CREB5: variants seen among roughly 807,000 people sequenced by gnomAD.
CREB5 encodes the protein cAMP responsive element binding protein 5.
In CREB5, 19 loss-of-function variants were observed where a neutral mutation model predicts 57.1. That is an observed-to-expected ratio of 0.33 (90% CI 0.23 to 0.49). The LOEUF is 0.49. CREB5 is among the 20% of genes least tolerant of loss of function. The pLI is 0.99. For synonymous variants in CREB5, 238 were observed against 238.3 expected (o/e 1.00, Z 0.01); for missense variants, 579 against 671.6 (o/e 0.86, Z 1.52).
At chr7:28,314,230 A>G (rs1210602731) in intron 1 of CREB5, among the ~76,000 whole-genome samples, 1 of 152,228 alleles carries the variant, frequency 6.6e-6, no homozygotes, top group African/African-American at 2.4e-5. Context: ...AGCTTAATTA[A>G]TGATTAAAAG....
intron 4 of CREB5, among the ~76,000 whole-genome samples, chr7:28,559,693 G>A (rs1795006385): frequency 6.6e-6 from 1 of 152,214 alleles, no homozygotes; most frequent in African/African-American, 2.4e-5. Context: ...TTGTCTATCA[G>A]TTGCTGTTTA....
intron 5 of CREB5, among the ~76,000 whole-genome samples, chr7:28,614,639 G>A (rs73684207): frequency 6.6e-6 from 1 of 152,038 alleles, no homozygotes; most frequent in African/African-American, 2.4e-5. Flanking sequence ...CCAGCTTTTT[G>A]ATTTAATTTA....
intron 5 of CREB5, among the ~76,000 whole-genome samples, chr7:28,580,558 G>GGTGTGTGTGTGTGT (rs371277784): frequency 2.1e-3 from 265 of 124,912 alleles, no homozygotes; most frequent in South Asian, 4.3e-3. Flanking sequence ...TTGGCAAATT[G>GGTGTGTGTGTGTGT]GTGTGTGTGT....
upstream of CREB5, chr7:28,409,965 T>C: frequency 2.2e-6 from 1 of 453,486 alleles, no homozygotes; most frequent in Non-Finnish European, 4.4e-6. The surrounding 1 kb of genome is among the most constrained non-coding windows in gnomAD (Gnocchi z 4.4). Context: ...GCCAGGAACC[T>C]CCCCCCGCGT....
At position 28,721,108 on chromosome 7, in the gene CREB5, T is replaced by G. The variant is rs374914405; in HGVS notation, c.591+2229T>G. On this transcript the variant is annotated intron_variant, in intron 6 of 10. Coordinates refer to ENST00000357727, the MANE Select transcript of CREB5 (RefSeq NM_182898.4). Reference sequence around the variant, plus strand: ...GCTGCCATGGCAATAGGCGTCAGTTTAGAGCAGCGATGCTCACCTGGGGGT... The same window carrying G: ...GCTGCCATGGCAATAGGCGTCAGTTGAGAGCAGCGATGCTCACCTGGGGGT... 6.6e-5 allele frequency among the ~76,000 whole-genome samples: 10 copies of G among 152,308 alleles called. No homozygotes were observed. The South Asian group carries it at 2.1e-3, about 32-fold the overall frequency.
At chr7:28,637,454 T>G (rs143817411) in intron 5 of CREB5, among the ~76,000 whole-genome samples, 157 of 152,276 alleles carry the variant, frequency 1.0e-3, no homozygotes, top group African/African-American at 3.6e-3. Context: ...TTCTAAAATA[T>G]GGACTTACAC....
At chr7:28,647,656 GA>G (rs1798939294) in intron 5 of CREB5, among the ~76,000 whole-genome samples, 1 of 152,158 alleles carries the variant, frequency 6.6e-6, no homozygotes, top group South Asian at 2.1e-4. Flanking sequence ...AATAAATCAA[GA>G]TTGACAGACA....
intron 7 of CREB5, among the ~76,000 whole-genome samples, chr7:28,796,104 G>A (rs550265850): frequency 2.0e-5 from 3 of 152,072 alleles, no homozygotes; most frequent in Non-Finnish European, 2.9e-5. Context: ...TACATTCGAC[G>A]TGTTGTGCAA....
chr7:28,310,639 C>T (rs151032303), intron 1 of CREB5, among the ~76,000 whole-genome samples: 106 of 152,296 alleles, frequency 7.0e-4, no homozygotes, highest in Middle Eastern at 6.8e-3. Context: ...TTTTAAATTA[C>T]GCAATTTCAA....
chr7:28,340,831 C>T lies in CREB5; in HGVS notation c.-25+41390C>T, dbSNP rs184358012. Among the ~76,000 whole-genome samples, 539 of 152,266 alleles carry T rather than the reference C, an allele frequency of 3.5e-3. 6 individuals carry two copies. The highest frequency in any genetic ancestry group is 0.012 in the African/African-American group (509 of 41,564). ...TTCTGACCACTGGGATGGGTGATTC[C>T]CCTCTGGCTAGGGTTTGTCTAAATG... On this transcript the variant is annotated intron_variant, in intron 1 of 9. Coordinates refer to the CREB5 transcript ENST00000396299.
rs1795554845 is a variant in CREB5 at position 28,568,134 on chromosome 7, G to A, written c.292-2231G>A. ...TGGACGGAAAGATTGGAAGAGATGAGGGACACTTAGTTAAATTTGTAGGAC... is the reference window on the plus strand; with the variant it reads ...TGGACGGAAAGATTGGAAGAGATGAAGGACACTTAGTTAAATTTGTAGGAC... On this transcript the variant is annotated intron_variant, in intron 4 of 10. Transcript: ENST00000357727. Among the ~76,000 whole-genome samples the A allele has an allele frequency of 4.6e-5, 7 of 152,250 alleles. No individual in the cohort carries two copies. In the South Asian group the frequency reaches 1.2e-3, roughly 27 times the overall value.
chr7:28,724,381 T>A, intron 7 of CREB5, 49 bp downstream of exon 7: 1 of 1,522,578 alleles, frequency 6.6e-7, no homozygotes, highest in African/African-American at 1.4e-5. Context: ...ACTTTTTCTT[T>A]TGAATTTTAC....
chr7:28,383,889 C>T (rs1025078365), intron 1 of CREB5, among the ~76,000 whole-genome samples: 1 of 152,164 alleles, frequency 6.6e-6, no homozygotes, highest in Non-Finnish European at 1.5e-5. Flanking sequence ...GTGTCAAGTA[C>T]ACCTACAAAT....
intron 1 of CREB5, among the ~76,000 whole-genome samples, chr7:28,362,462 T>C (rs1786506168): frequency 6.6e-6 from 1 of 152,218 alleles, no homozygotes; most frequent in South Asian, 2.1e-4. Context: ...GCAAAATAGA[T>C]TGTGCATATG....
intron 1 of CREB5, among the ~76,000 whole-genome samples, chr7:28,326,725 G>A (rs1785614736): frequency 6.6e-6 from 1 of 152,150 alleles, no homozygotes; most frequent in Admixed American, 6.5e-5. Flanking sequence ...ACATAAATAG[G>A]TTGAGGTTGC....
chr7:28,726,616 C>T (rs1445369758), intron 7 of CREB5: 2 of 152,046 alleles, frequency 1.3e-5, no homozygotes, highest in East Asian at 1.9e-4. Context: ...GCCTAATTTT[C>T]TTCCTGTGTA....
intron 1 of CREB5, among the ~76,000 whole-genome samples, chr7:28,329,497 A>G (rs1422411542): frequency 6.6e-6 from 1 of 152,252 alleles, no homozygotes; most frequent in Non-Finnish European, 1.5e-5. Flanking sequence ...ACAAATGTAA[A>G]TTCAAATTGT....
At chr7:28,759,585 T>C (rs1225023885) in intron 7 of CREB5, among the ~76,000 whole-genome samples, 1 of 152,200 alleles carries the variant, frequency 6.6e-6, no homozygotes, top group Non-Finnish European at 1.5e-5. Flanking sequence ...GAGGGCTTAG[T>C]TTTCTTTATT....
intron 1 of CREB5, among the ~76,000 whole-genome samples, chr7:28,313,745 C>A (rs1232881051): frequency 6.6e-6 from 1 of 152,170 alleles, no homozygotes; most frequent in East Asian, 1.9e-4. Context: ...ACGGTTTTAA[C>A]ACAGCTTTGT....
Sources: gnomAD v4.1 joint callset for allele counts (sites outside exome capture counted in the v4.1 genomes callset) on GRCh38, gnomAD v4.1.1 for gene constraint, Gnocchi (gnomAD v3.1) non-coding constraint, MANE v1.5 for transcripts, NCBI Gene and HGNC (gene_info 2026-07-23, HGNC 2026-07-21) for gene names.